The following RNF13 variants were observed in gnomAD, a reference collection of about 807,000 sequenced individuals.
RNF13 encodes the protein ring finger protein 13, also known as E3 ubiquitin-protein ligase RNF13.
Under a neutral mutation model 37.7 loss-of-function variants are expected in RNF13, and 19 were observed. The ratio of observed to expected loss-of-function variants is 0.50; its 90% CI spans 0.35 to 0.74. The LOEUF (loss-of-function observed/expected upper bound fraction) is 0.74. Among genes scored for constraint, RNF13 ranks in the 30% least tolerant of loss-of-function variants. The pLI, the probability that RNF13 is intolerant of heterozygous loss-of-function variation, is 0.01. For missense variants in RNF13, 375 were observed against 453.0 expected (o/e 0.83, Z 1.56); for synonymous variants, 144 against 157.8 (o/e 0.91, Z 0.65).
intron 8 of RNF13, among the ~76,000 whole-genome samples, chr3:149,925,290 A>G (rs537127568): frequency 2.0e-5 from 3 of 152,298 alleles, no homozygotes; most frequent in African/African-American, 7.2e-5. Flanking sequence ...TATGTAGAAT[A>G]CATATTTCTA....
chr3:149,909,980 T>G (rs951724683), intron 6 of RNF13, among the ~76,000 whole-genome samples: 1 of 151,914 alleles, frequency 6.6e-6, no homozygotes, highest in African/African-American at 2.4e-5. Context: ...ATGAGAGTTG[T>G]AAGCCTTCCT....
At position 149,959,947 on chromosome 3, in the gene RNF13, T is replaced by C. The variant is rs575311846; in HGVS notation, c.701-109T>C. On this transcript the variant is annotated intron_variant, in intron 8 of 9. Coordinates refer to ENST00000392894, the MANE Select transcript of RNF13 (RefSeq NM_183381.3). ...TAGATAAGCAGATCCTTGAGTCCGATGCAAAAGGCATCATTCAAAGATAAA... is the reference window on the plus strand; with the variant it reads ...TAGATAAGCAGATCCTTGAGTCCGACGCAAAAGGCATCATTCAAAGATAAA... The C allele has an allele frequency of 5.4e-5, 37 of 680,914 alleles. No individual in the cohort carries two copies. The South Asian group carries it at 7.0e-4, about 13-fold the overall frequency. The allele number at this position is 680,914 out of a possible 1,614,324, so 42.2% of individuals were successfully genotyped here. A position where few individuals can be genotyped will look rare whatever the true frequency, so the allele number is the denominator to read the frequency against.
intron 1 of RNF13, among the ~76,000 whole-genome samples, chr3:149,830,667 G>T (rs1559891877): frequency 4.4e-4 from 65 of 146,932 alleles, no homozygotes; most frequent in Non-Finnish European, 3.0e-5. Context: ...TGATGCAATA[G>T]AAAAGAAAAA....
At chr3:149,824,617 GT>G (rs201352608) in intron 1 of RNF13, among the ~76,000 whole-genome samples, 2 of 148,512 alleles carry the variant, frequency 1.3e-5, no homozygotes, top group African/African-American at 2.5e-5. Context: ...AAAATATATG[GT>G]TTTTTTTTGT....
At chr3:149,816,385 C>T (rs375046409) in intron 1 of RNF13, among the ~76,000 whole-genome samples, 1 of 152,280 alleles carries the variant, frequency 6.6e-6, no homozygotes, top group Middle Eastern at 3.4e-3. Flanking sequence ...ATTGTGGATT[C>T]GTACTTGCTG....
chr3:149,826,012 A>T (rs1203085412), intron 1 of RNF13, among the ~76,000 whole-genome samples: 1 of 152,112 alleles, frequency 6.6e-6, no homozygotes, highest in Non-Finnish European at 1.5e-5. Context: ...TTTATATTGA[A>T]TACCTTTTGT....
intron 8 of RNF13, among the ~76,000 whole-genome samples, chr3:149,924,926 A>G (rs1190080645): frequency 6.6e-6 from 1 of 152,200 alleles, no homozygotes; most frequent in Non-Finnish European, 1.5e-5. Context: ...GGCCTTAGGT[A>G]GTATCATAGA....
chr3:149,932,690 G>A (rs1719282967), intron 8 of RNF13, among the ~76,000 whole-genome samples: 1 of 152,222 alleles, frequency 6.6e-6, no homozygotes, highest in Non-Finnish European at 1.5e-5. Context: ...CTGGTGCAAG[G>A]GGTGGGCTCC....
At chr3:149,888,564 A>G (rs1246615552) in intron 4 of RNF13, among the ~76,000 whole-genome samples, 1 of 152,196 alleles carries the variant, frequency 6.6e-6, no homozygotes, top group Non-Finnish European at 1.5e-5. Context: ...TTCGTGCAAA[A>G]CAGCACTATA....
chr3:149,912,298 G>A (rs1576526504), intron 7 of RNF13, among the ~76,000 whole-genome samples: 1 of 152,006 alleles, frequency 6.6e-6, no homozygotes, highest in African/African-American at 2.4e-5. Context: ...AGAAGTGATC[G>A]ATTTACTGAA....
intron 3 of RNF13, among the ~76,000 whole-genome samples, chr3:149,870,394 T>A (rs947587284): frequency 1.3e-5 from 2 of 151,708 alleles, no homozygotes; most frequent in African/African-American, 4.8e-5. Context: ...TCTCTCCTTA[T>A]ATTTGAGTTC....
At chr3:149,939,831 GT>G in intron 8 of RNF13, 1 of 530,208 alleles carries the variant, frequency 1.9e-6, no homozygotes, top group Non-Finnish European at 3.6e-6. Flanking sequence ...GGGAGAGAAG[GT>G]GGACAGAGAT....
At chr3:149,882,317 A>G (rs1713518669) in intron 4 of RNF13, among the ~76,000 whole-genome samples, 1 of 152,150 alleles carries the variant, frequency 6.6e-6, no homozygotes, top group Non-Finnish European at 1.5e-5. Context: ...GAACTAACCA[A>G]CAGATACGAG....
intron 4 of RNF13, among the ~76,000 whole-genome samples, chr3:149,883,713 T>C (rs1323688265): frequency 6.6e-6 from 1 of 152,118 alleles, no homozygotes; most frequent in Non-Finnish European, 1.5e-5. Flanking sequence ...ACTTTCATTT[T>C]TTAAGTTCTG....
chr3:149,895,742 C>A (rs577592287), intron 5 of RNF13, among the ~76,000 whole-genome samples, 182 bp downstream of exon 5: 20 of 152,086 alleles, frequency 1.3e-4, no homozygotes, highest in Non-Finnish European at 2.4e-4. Flanking sequence ...ACTTTCTTTT[C>A]TGAACAGTTT....
chr3:149,830,956 A>G (rs1576726354), intron 1 of RNF13, among the ~76,000 whole-genome samples: 1 of 152,258 alleles, frequency 6.6e-6, no homozygotes, highest in East Asian at 1.9e-4. Flanking sequence ...CTGGCTTCAG[A>G]GGGTGCAAAC....
At chr3:149,841,884 C>G (rs1439037289) in intron 1 of RNF13, among the ~76,000 whole-genome samples, 2 of 152,172 alleles carry the variant, frequency 1.3e-5, no homozygotes, top group East Asian at 3.9e-4. Context: ...CCTGCCTCGG[C>G]CTCCCAAAGT....
chr3:149,875,089 A>G (rs1712532510), intron 4 of RNF13, among the ~76,000 whole-genome samples: 1 of 152,146 alleles, frequency 6.6e-6, no homozygotes, highest in Admixed American at 6.5e-5. Context: ...AGTTAGAAAA[A>G]TGATATATTT....
intron 4 of RNF13, among the ~76,000 whole-genome samples, chr3:149,878,176 A>G (rs879587129): frequency 3.9e-5 from 6 of 152,152 alleles, no homozygotes; most frequent in Non-Finnish European, 8.8e-5. Context: ...AATCACAGAC[A>G]TCAGAATGCT....
Sources: gnomAD v4.1 joint callset for allele counts (sites outside exome capture counted in the v4.1 genomes callset) on GRCh38, gnomAD v4.1.1 for gene constraint, MANE v1.5 for transcripts, NCBI Gene and HGNC (gene_info 2026-07-23, HGNC 2026-07-21) for gene names.